The following GPATCH2 variants were observed in gnomAD, a reference collection of about 807,000 sequenced individuals.
The protein encoded by GPATCH2 is G patch domain-containing protein 2.
GPATCH2 carries 51 observed loss-of-function variants against 58.0 expected under a neutral mutation model. The observed-to-expected ratio is 0.88, with a 90% CI of 0.70 to 1.11. The LOEUF (loss-of-function observed/expected upper bound fraction) is 1.11, where lower values mean the gene tolerates loss of function less well. GPATCH2 is among the 50% of genes most tolerant of loss of function. The probability of loss-of-function intolerance (pLI) is 0.00; values close to 1 mark genes in which losing one functional copy is unlikely to be tolerated. For missense variants in GPATCH2, 625 were observed against 652.2 expected (o/e 0.96, Z 0.45); for synonymous variants, 222 against 218.5 (o/e 1.02, Z -0.14).
intron 9 of GPATCH2, among the ~76,000 whole-genome samples, chr1:217,445,806 G>A (rs957909519): frequency 1.3e-5 from 2 of 152,066 alleles, no homozygotes; most frequent in Non-Finnish European, 2.9e-5. Flanking sequence ...TTAGTCTAGC[G>A]CTTTCTAAAG....
intron 5 of GPATCH2, among the ~76,000 whole-genome samples, chr1:217,584,319 C>A (rs1470818771): frequency 3.7e-5 from 4 of 107,322 alleles, no homozygotes; most frequent in Non-Finnish European, 7.8e-5. Flanking sequence ...ATGGTGAAAC[C>A]TCACCTCTAC....
At chr1:217,536,663 A>G (rs923886044) in intron 5 of GPATCH2, among the ~76,000 whole-genome samples, 2 of 152,124 alleles carry the variant, frequency 1.3e-5, no homozygotes, top group East Asian at 3.9e-4. Flanking sequence ...TCTGTAATCA[A>G]TAACTATATT....
intron 9 of GPATCH2, among the ~76,000 whole-genome samples, chr1:217,435,198 C>T (rs1658760819): frequency 6.6e-6 from 1 of 152,126 alleles, no homozygotes; most frequent in Non-Finnish European, 1.5e-5. Flanking sequence ...CCTTTAAGAC[C>T]TTTCCTAGAA....
At chr1:217,449,945 T>C (rs1659582305) in intron 8 of GPATCH2, among the ~76,000 whole-genome samples, 3 of 152,196 alleles carry the variant, frequency 2.0e-5, no homozygotes, top group Admixed American at 1.3e-4. Context: ...TGGATTATAT[T>C]TGTAAAAACA....
intron 5 of GPATCH2, among the ~76,000 whole-genome samples, chr1:217,551,203 A>G (rs1400035992): frequency 6.6e-6 from 1 of 151,956 alleles, no homozygotes; most frequent in Non-Finnish European, 1.5e-5. Flanking sequence ...ATGTATGGTC[A>G]GTAAACAAAG....
At chr1:217,487,558 T>C (rs1172676475) in intron 8 of GPATCH2, among the ~76,000 whole-genome samples, 1 of 151,890 alleles carries the variant, frequency 6.6e-6, no homozygotes, top group Non-Finnish European at 1.5e-5. Context: ...CCCAAGTAGC[T>C]GGGACTACAG....
intron 5 of GPATCH2, among the ~76,000 whole-genome samples, chr1:217,555,931 C>G (rs938979825): frequency 1.3e-5 from 2 of 152,114 alleles, no homozygotes; most frequent in Non-Finnish European, 2.9e-5. Flanking sequence ...ACAGGTCATA[C>G]TCCAAATTCT....
Position 217,558,277 on chromosome 1 carries a change from T to A in GPATCH2, c.1099-43388A>T, listed in dbSNP as rs1665741425. On this transcript the variant is annotated intron_variant, in intron 5 of 9. Transcript: ENST00000366935. ...GTTTCTGTGTGTAACAGAGGTAATATATTTAAACACTTAACACCATGCTTG... is the reference window on the plus strand; with the variant it reads ...GTTTCTGTGTGTAACAGAGGTAATAAATTTAAACACTTAACACCATGCTTG... 2.0e-5 allele frequency among the ~76,000 whole-genome samples: 3 copies of A among 152,190 alleles called. No individual in the cohort carries two copies. The South Asian group carries it at 6.2e-4, about 32-fold the overall frequency.
At chr1:217,485,475 T>G (rs955827429) in intron 8 of GPATCH2, among the ~76,000 whole-genome samples, 4 of 143,840 alleles carry the variant, frequency 2.8e-5, no homozygotes, top group Admixed American at 2.0e-4. Context: ...TTTTTTTTTT[T>G]GCAAATGACA....
At chr1:217,521,261 G>A (rs990206586) in intron 5 of GPATCH2, among the ~76,000 whole-genome samples, 2 of 149,866 alleles carry the variant, frequency 1.3e-5, no homozygotes, top group African/African-American at 5.0e-5. Context: ...ACTGAGGTGA[G>A]GGCACATGCC....
At chr1:217,520,138 C>T (rs1663380183) in intron 5 of GPATCH2, among the ~76,000 whole-genome samples, 4 of 152,120 alleles carry the variant, frequency 2.6e-5, no homozygotes, top group Admixed American at 2.6e-4. Flanking sequence ...AAAATTGGTG[C>T]ATATGAAATA....
intron 5 of GPATCH2, among the ~76,000 whole-genome samples, chr1:217,604,209 TGCACAGTG>T (rs1023524711): frequency 4.6e-5 from 7 of 151,578 alleles, no homozygotes; most frequent in Admixed American, 3.9e-4. Flanking sequence ...AAATTAGCAG[TGCACAGTG>T]GCACACAAAT....
At chr1:217,513,698 T>C (rs1312796326) in intron 6 of GPATCH2, among the ~76,000 whole-genome samples, 1 of 152,182 alleles carries the variant, frequency 6.6e-6, no homozygotes, top group Non-Finnish European at 1.5e-5. Flanking sequence ...TTTAAAAAAT[T>C]ATCTAGTAAG....
At chr1:217,470,919 A>G (rs1199707149) in intron 8 of GPATCH2, among the ~76,000 whole-genome samples, 1 of 151,902 alleles carries the variant, frequency 6.6e-6, no homozygotes, top group African/African-American at 2.4e-5. Context: ...CTATTCATTC[A>G]TGCGTACATA....
intron 5 of GPATCH2, among the ~76,000 whole-genome samples, chr1:217,582,304 T>A (rs1451113065): frequency 2.0e-5 from 3 of 152,090 alleles, no homozygotes; most frequent in African/African-American, 7.2e-5. Flanking sequence ...CTAAATCCTA[T>A]AATTATTATA....
intron 5 of GPATCH2, among the ~76,000 whole-genome samples, chr1:217,516,516 A>G (rs1251620672): frequency 2.6e-5 from 4 of 152,174 alleles, no homozygotes; most frequent in Non-Finnish European, 5.9e-5. Flanking sequence ...TCTCAAAATG[A>G]GGTTTTCATG....
At chr1:217,486,023 A>C (rs970787286) in intron 8 of GPATCH2, among the ~76,000 whole-genome samples, 1 of 152,192 alleles carries the variant, frequency 6.6e-6, no homozygotes, top group Admixed American at 6.5e-5. Flanking sequence ...AGTCCTTTGC[A>C]TTTCCATATG....
intron 8 of GPATCH2, among the ~76,000 whole-genome samples, chr1:217,469,145 C>T (rs1373610645): frequency 1.3e-5 from 2 of 152,016 alleles, no homozygotes; most frequent in African/African-American, 2.4e-5. Flanking sequence ...AAAAAGATTA[C>T]AAAAATCTTT....
chr1:217,581,945 C>T (rs1314829201), intron 5 of GPATCH2, among the ~76,000 whole-genome samples: 1 of 150,768 alleles, frequency 6.6e-6, no homozygotes, highest in Non-Finnish European at 1.5e-5. Flanking sequence ...AGCAAGACTC[C>T]GTCTGGGGGG....
Sources: allele counts gnomAD v4.1 joint callset (sites outside exome capture counted in the v4.1 genomes callset), GRCh38; gene constraint gnomAD v4.1.1; transcripts MANE v1.5; gene names NCBI Gene and HGNC (gene_info 2026-07-23, HGNC 2026-07-21).